CROT: variants seen among roughly 807,000 people sequenced by gnomAD.
The protein encoded by CROT is carnitine O-octanoyltransferase.
CROT carries 84 observed loss-of-function variants against 89.2 expected under a neutral mutation model. The observed-to-expected ratio is 0.94, with a 90% CI of 0.79 to 1.13. The LOEUF is 1.13. Among genes scored for constraint, CROT ranks in the 50% most tolerant of loss-of-function variants. CROT has a pLI of 0.00. For missense variants in CROT, 711 were observed against 727.8 expected, an observed-to-expected ratio of 0.98 and a Z score of 0.27; for synonymous variants, 212 against 239.5, an observed-to-expected ratio of 0.89 and a Z score of 1.06.
At chr7:87,396,054 A>G (rs1217942654) in intron 17 of CROT, among the ~76,000 whole-genome samples, 4 of 152,158 alleles carry the variant, frequency 2.6e-5, no homozygotes. Flanking sequence ...ATTTCACAGG[A>G]TTTACGACAG....
intron 10 of CROT, among the ~76,000 whole-genome samples, chr7:87,381,080 A>C (rs1806987139): frequency 6.6e-6 from 1 of 152,128 alleles, no homozygotes; most frequent in Non-Finnish European, 1.5e-5. Context: ...GGTGACATTT[A>C]AGACACCTAA....
intron 7 of CROT, among the ~76,000 whole-genome samples, chr7:87,373,450 T>C (rs1167883754): frequency 6.6e-6 from 1 of 152,126 alleles, no homozygotes; most frequent in Non-Finnish European, 1.5e-5. Context: ...TCTCTTTTTT[T>C]GTTGTTACAT....
chr7:87,369,978 C>T (rs1017951526), intron 7 of CROT, among the ~76,000 whole-genome samples: 6 of 149,316 alleles, frequency 4.0e-5, no homozygotes, highest in African/African-American at 1.3e-4. Context: ...CAACAGTTAC[C>T]AACTCCTAGC....
intron 10 of CROT, among the ~76,000 whole-genome samples, chr7:87,379,659 G>A (rs1042570357): frequency 8.5e-5 from 13 of 152,116 alleles, no homozygotes; most frequent in East Asian, 1.9e-4. Context: ...TATAGTGTGC[G>A]GACATGTTTT....
intron 3 of CROT, among the ~76,000 whole-genome samples, chr7:87,351,233 C>T (rs551854070): frequency 3.8e-4 from 57 of 148,504 alleles, no homozygotes; most frequent in African/African-American, 6.0e-4. Flanking sequence ...GGCGTGAACC[C>T]GGGAGGCAGA....
intron 13 of CROT, among the ~76,000 whole-genome samples, chr7:87,383,315 C>G (rs78229345): frequency 6.6e-6 from 1 of 152,002 alleles, no homozygotes; most frequent in Non-Finnish European, 1.5e-5. Context: ...TCTACTTCCA[C>G]GAGATCAATT....
chr7:87,361,754 G>GA lies in CROT; in HGVS notation c.452dup (p.Asn151LysfsTer23). The GA allele has an allele frequency of 6.3e-7, 1 of 1,596,214 alleles. No individual in the cohort carries two copies. The highest frequency in any genetic ancestry group is 1.4e-5 in the African/African-American group (1 of 74,056). On this transcript the variant is annotated frameshift_variant, in exon 6 of 18. Transcript: ENST00000331536. LOFTEE classifies it high-confidence loss of function. ...GAAAAAGTGCCTGTTCATAAAGTTG[G>GA]AAATACTCCTCTAGATATGAATCAA...
chr7:87,349,413 T>C (rs75789912), intron 3 of CROT, among the ~76,000 whole-genome samples: 1 of 152,058 alleles, frequency 6.6e-6, no homozygotes, highest in Admixed American at 6.5e-5. Flanking sequence ...CAGACTGTCT[T>C]TAAGTTTTTC....
intron 3 of CROT, among the ~76,000 whole-genome samples, chr7:87,354,237 C>CA (rs1012423362): frequency 3.3e-5 from 5 of 151,872 alleles, no homozygotes; most frequent in Admixed American, 6.6e-5. Context: ...TTTTGGCAAC[C>CA]AAAAAAACCT....
intron 10 of CROT, among the ~76,000 whole-genome samples, chr7:87,381,666 C>A (rs1432581253): frequency 6.6e-6 from 1 of 152,130 alleles, no homozygotes; most frequent in Non-Finnish European, 1.5e-5. Flanking sequence ...CTCATGACCC[C>A]AAGCCCCACC....
chr7:87,353,316 T>G (rs1467678446), intron 3 of CROT, among the ~76,000 whole-genome samples: 1 of 151,946 alleles, frequency 6.6e-6, no homozygotes, highest in Non-Finnish European at 1.5e-5. Context: ...CCCAGCTAAC[T>G]TTTTGTAGTT....
intron 4 of CROT, 49 bp downstream of exon 4, chr7:87,359,379 T>TA: frequency 6.5e-7 from 1 of 1,534,024 alleles, no homozygotes; most frequent in Non-Finnish European, 8.8e-7. Flanking sequence ...GAATGATAAA[T>TA]AAAAAGTGCA....
chr7:87,360,661 A>G (rs1181316763), intron 4 of CROT, among the ~76,000 whole-genome samples: 1 of 152,056 alleles, frequency 6.6e-6, no homozygotes, highest in South Asian at 2.1e-4. Context: ...TTTCTGATTT[A>G]GTATTGCAGT....
At position 87,361,572 on chromosome 7, in the gene CROT, G is replaced by A; in HGVS notation, c.422+1G>A. 6.3e-7 allele frequency: 1 copy of A among 1,586,656 alleles called. No homozygotes were observed. The highest frequency in any genetic ancestry group is 8.6e-7 in the Non-Finnish European group (1 of 1,168,448). On this transcript the variant is annotated splice_donor_variant, in intron 5 of 17. Coordinates refer to ENST00000331536, the MANE Select transcript of CROT (RefSeq NM_021151.4). LOFTEE classifies it high-confidence loss of function. ...TGAACTACTGGCAGCTATTAAGAAA[G>A]TAAGGACACATGTGAATTTAGTGAC...
Position 87,388,172 on chromosome 7 carries a change from T to A in CROT, c.1302-3417T>A, listed in dbSNP as rs1317100588. On this transcript the variant is annotated intron_variant, in intron 13 of 17. Transcript: ENST00000331536. ...TGCTCTTCTCTCCAGATCTTGACCC[T>A]CATATCCTGGCTGCTCTAACAGTTG... is the stretch of plus-strand genomic sequence containing the variant. Among the ~76,000 whole-genome samples, 3 of 152,140 alleles carry A rather than the reference T, an allele frequency of 2.0e-5. No homozygotes were observed. The East Asian group carries it at 5.8e-4, about 29-fold the overall frequency.
intron 9 of CROT, among the ~76,000 whole-genome samples, chr7:87,376,333 AC>A (rs1370643673): frequency 1.3e-5 from 2 of 152,010 alleles, no homozygotes; most frequent in Non-Finnish European, 2.9e-5. Context: ...GTATCTTGAC[AC>A]CATAGTTGGG....
intron 9 of CROT, 140 bp downstream of exon 9, chr7:87,376,093 A>T: frequency 1.4e-6 from 1 of 705,534 alleles, no homozygotes; most frequent in Non-Finnish European, 2.2e-6. Context: ...ACTTGTGCCA[A>T]ATTGAAGCTT....
intron 10 of CROT, among the ~76,000 whole-genome samples, chr7:87,381,527 C>T (rs1807003479): frequency 6.6e-6 from 1 of 152,142 alleles, no homozygotes; most frequent in Non-Finnish European, 1.5e-5. Context: ...GGTTGCCATC[C>T]CCATCTGCTT....
chr7:87,390,552 CTGTT>C (rs1317878194), intron 13 of CROT, among the ~76,000 whole-genome samples: 2 of 152,206 alleles, frequency 1.3e-5, no homozygotes, highest in South Asian at 4.1e-4. Flanking sequence ...GGCTTGAAAA[CTGTT>C]TGAGCCCTCC....
Sources: gnomAD v4.1 joint callset for allele counts (sites outside exome capture counted in the v4.1 genomes callset) on GRCh38, gnomAD v4.1.1 for gene constraint, MANE v1.5 for transcripts, NCBI Gene and HGNC (gene_info 2026-07-23, HGNC 2026-07-21) for gene names.